The following TAF1 variants were observed in gnomAD, a reference collection of about 807,000 sequenced individuals.
The protein encoded by TAF1 is transcription initiation factor TFIID subunit 1.
TAF1 carries 2 observed loss-of-function variants against 138.5 expected under a neutral mutation model. The ratio of observed to expected loss-of-function variants is 0.01; its 90% CI spans 0.01 to 0.05. The LOEUF is 0.05. Ranked by LOEUF, TAF1 falls within the 10% of genes least tolerant of loss-of-function variation. The pLI is 1.00. For synonymous variants in TAF1, 437 were observed against 503.2 expected (o/e 0.87, Z 1.76); for missense variants, 709 against 1,478.0 (o/e 0.48, Z 8.53).
chrX:71,369,577 G>A (rs1182594624), intron 3 of TAF1, among the ~76,000 whole-genome samples: 2 of 108,316 alleles, frequency 1.8e-5, no homozygotes, highest in African/African-American at 6.7e-5. Context: ...CACTTGTTAT[G>A]TACTCTAAAC....
chrX:71,370,712 T>C (rs767554991), intron 3 of TAF1, among the ~76,000 whole-genome samples: 2 of 111,923 alleles, frequency 1.8e-5, no homozygotes, highest in East Asian at 5.6e-4. Flanking sequence ...TCGAACTAGA[T>C]TTCAGGCTTC....
intron 18 of TAF1, 79 bp downstream of exon 18, chrX:71,389,744 A>C (rs746291077): frequency 1.2e-6 from 1 of 808,529 alleles, no homozygotes; most frequent in Non-Finnish European, 1.8e-6. Context: ...TATTGAGATA[A>C]CATAAAATAA....
At chrX:71,528,600 G>A (rs1314382129) in exon 14 of TAF1, 9 of 329,663 alleles carry the variant, frequency 2.7e-5, no homozygotes, top group Non-Finnish European at 4.1e-5. Flanking sequence ...GCAACGACCA[G>A]GTCCTGCTCT....
chrX:71,368,042 C>CT lies in TAF1; in HGVS notation c.236-6dup. 1 of 1,206,019 alleles carries CT rather than the reference C, an allele frequency of 8.3e-7. No individual in the cohort carries two copies. Among genetic ancestry groups the CT allele is most frequent in the Non-Finnish European group, 1.1e-6 (1 of 891,332 alleles). ...CTTACTGTTGTTGCGATTCTCCCTG[C>CT]TTTTTTCATAGGGTGGGTTAGGAGT... is the stretch of plus-strand genomic sequence containing the variant. On this transcript the variant is annotated splice_polypyrimidine_tract_variant and intron_variant, in intron 2 of 37. Coordinates refer to ENST00000423759, the MANE Select transcript of TAF1 (RefSeq NM_004606.5).
chrX:71,400,712 AGT>A (rs895913766), intron 24 of TAF1, among the ~76,000 whole-genome samples: 3 of 112,376 alleles, frequency 2.7e-5, no homozygotes, highest in Non-Finnish European at 5.6e-5. Context: ...ATATGTCCAC[AGT>A]GTTGTTGTAT....
At chrX:71,390,995 C>CA (rs374089728) in intron 18 of TAF1, among the ~76,000 whole-genome samples, 268 of 97,944 alleles carry the variant, frequency 2.7e-3, no homozygotes, top group African/African-American at 8.4e-3. Flanking sequence ...ATCTCCATCT[C>CA]AAAAAAAAAA....
At chrX:71,493,569 G>A (rs2039338566) in intron 13 of TAF1, among the ~76,000 whole-genome samples, 1 of 112,676 alleles carries the variant, frequency 8.9e-6, no homozygotes, top group Non-Finnish European at 1.9e-5. Context: ...TTGCCCAGGC[G>A]TTGTTCTGTA....
intron 32 of TAF1, among the ~76,000 whole-genome samples, chrX:71,452,804 A>G (rs113700384): frequency 8.9e-6 from 1 of 112,321 alleles, no homozygotes; most frequent in Non-Finnish European, 1.9e-5. Context: ...TCCGTCTGCA[A>G]TCCCGGCACC....
intron 28 of TAF1, 42 bp from the exon 29 acceptor site, chrX:71,421,267 C>T (rs377114438): frequency 3.5e-5 from 40 of 1,145,173 alleles, no homozygotes; most frequent in East Asian, 6.0e-5. Context: ...CAGCTTTTGC[C>T]TCCCGTTATT....
At chrX:71,519,549 A>G (rs953162432) in intron 13 of TAF1, among the ~76,000 whole-genome samples, 6 of 106,378 alleles carry the variant, frequency 5.6e-5, no homozygotes, top group African/African-American at 2.0e-4. Context: ...AGGCTGAGGC[A>G]GGAGAATGGC....
At chrX:71,382,103 C>G (rs1405710448) in intron 9 of TAF1, among the ~76,000 whole-genome samples, 184 bp downstream of exon 9, 1 of 111,724 alleles carries the variant, frequency 9.0e-6, no homozygotes, top group Non-Finnish European at 1.9e-5. Flanking sequence ...GGAACACTCA[C>G]GTAGGAATGT....
At chrX:71,482,821 C>G (rs2039094725) in intron 13 of TAF1, among the ~76,000 whole-genome samples, 1 of 112,473 alleles carries the variant, frequency 8.9e-6, no homozygotes, top group Non-Finnish European at 1.9e-5. Flanking sequence ...TGTTTGACAG[C>G]ATTTTACCCA....
intron 3 of TAF1, among the ~76,000 whole-genome samples, chrX:71,373,893 T>A (rs1010663720): frequency 9.1e-6 from 1 of 109,636 alleles, no homozygotes; most frequent in African/African-American, 3.3e-5. Flanking sequence ...CATCTCTCAT[T>A]TGAGAGATGA....
At chrX:71,412,810 T>G (rs2148526048) in intron 28 of TAF1, among the ~76,000 whole-genome samples, 1 of 112,495 alleles carries the variant, frequency 8.9e-6, no homozygotes, top group South Asian at 3.6e-4. Context: ...TTGGTCTTGA[T>G]CTCCTGGCCT....
At chrX:71,500,435 T>C (rs1416316729) in intron 13 of TAF1, among the ~76,000 whole-genome samples, 5 of 111,002 alleles carry the variant, frequency 4.5e-5, no homozygotes, top group Non-Finnish European at 9.4e-5. Flanking sequence ...TCTCAATGGC[T>C]TAGGATGCAT....
rs28382172 is a variant in TAF1 at position 71,388,183 on chromosome X, G to A, written c.2428-54G>A. On this transcript the variant is annotated intron_variant, in intron 15 of 37. Coordinates refer to ENST00000423759, the MANE Select transcript of TAF1 (RefSeq NM_004606.5). ...GCTTAGCAAAGGAAGAGGCCCTAGT[G>A]AGGACTTTTATCCTTTTCTTTGCCA... 7.5e-3 allele frequency: 8,951 copies of A among 1,194,002 alleles called. 23 individuals are homozygous for A. The highest frequency in any genetic ancestry group is 0.014 in the Middle Eastern group (59 of 4,174).
chrX:71,526,814 C>G (rs1480750760), intron 13 of TAF1, among the ~76,000 whole-genome samples: 1 of 108,649 alleles, frequency 9.2e-6, no homozygotes, highest in African/African-American at 3.4e-5. Flanking sequence ...TGCCTGTAAT[C>G]TCCAGCATTT....
At chrX:71,472,648 G>A (rs1447437603) in intron 13 of TAF1, among the ~76,000 whole-genome samples, 6 of 111,596 alleles carry the variant, frequency 5.4e-5, no homozygotes, top group Non-Finnish European at 9.4e-5. Context: ...TAGAAGAATC[G>A]CTTGAACTTG....
chrX:71,409,124 T>A (rs2035636660), intron 28 of TAF1, among the ~76,000 whole-genome samples: 1 of 111,467 alleles, frequency 9.0e-6, no homozygotes, highest in Non-Finnish European at 1.9e-5. Flanking sequence ...TCTACAAATT[T>A]GTTAGAGGTG....
Sources: gnomAD v4.1 joint callset for allele counts (sites outside exome capture counted in the v4.1 genomes callset) on GRCh38, gnomAD v4.1.1 for gene constraint, MANE v1.5 for transcripts, NCBI Gene and HGNC (gene_info 2026-07-23, HGNC 2026-07-21) for gene names.